The following CFAP61 variants were observed in gnomAD, a reference collection of about 807,000 sequenced individuals.
CFAP61 encodes cilia- and flagella-associated protein 61.
Under a neutral mutation model 135.6 loss-of-function variants are expected in CFAP61, and 107 were observed. The observed-to-expected ratio is 0.79, with a 90% CI of 0.67 to 0.93. The LOEUF (loss-of-function observed/expected upper bound fraction) is 0.93. CFAP61 is among the 40% of genes least tolerant of loss of function. CFAP61 has a pLI of 0.00. For missense variants in CFAP61, 1,507 were observed against 1,556.2 expected (o/e 0.97, Z 0.53); for synonymous variants, 575 against 578.5 (o/e 0.99, Z 0.09).
At chr20:20,055,809 T>G in intron 1 of CFAP61, 1 of 661,858 alleles carries the variant, frequency 1.5e-6, no homozygotes, top group East Asian at 2.9e-5. Flanking sequence ...TCCTTCATTG[T>G]TTTCCCTGTT....
chr20:20,228,499 A>AGGCAGGG, intron 18 of CFAP61, 123 bp downstream of exon 18: 3 of 711,542 alleles, frequency 4.2e-6, no homozygotes, highest in Non-Finnish European at 7.0e-6. Context: ...CACCCTGCCT[A>AGGCAGGG]TGTGGATGGA....
chr20:20,276,079 C>T (rs568570940), intron 21 of CFAP61, among the ~76,000 whole-genome samples: 1 of 152,308 alleles, frequency 6.6e-6, no homozygotes, highest in South Asian at 2.1e-4. Context: ...TGTTAGCTTC[C>T]AAGAAGCCAT....
At chr20:20,263,445 C>T (rs532019934) in intron 21 of CFAP61, among the ~76,000 whole-genome samples, 1 of 151,736 alleles carries the variant, frequency 6.6e-6, no homozygotes, top group South Asian at 2.1e-4. Context: ...AATAAGCAAA[C>T]ATGTTTAGCA....
At chr20:20,207,811 T>G (rs1173884166) in intron 17 of CFAP61, among the ~76,000 whole-genome samples, 1 of 152,226 alleles carries the variant, frequency 6.6e-6, no homozygotes, top group Non-Finnish European at 1.5e-5. Flanking sequence ...TCCTCCTATC[T>G]TTTGATTACC....
At chr20:20,297,651 A>G (rs918555350) in intron 24 of CFAP61, among the ~76,000 whole-genome samples, 5 of 152,248 alleles carry the variant, frequency 3.3e-5, no homozygotes, top group Admixed American at 6.5e-5. Context: ...TGCATCTCCC[A>G]TAGCCTTGAA....
chr20:20,306,638 G>T lies in CFAP61; in HGVS notation c.3422+8252G>T, dbSNP rs1484397713. Among the ~76,000 whole-genome samples the T allele has an allele frequency of 3.9e-5, 6 of 152,244 alleles. No individual in the cohort carries two copies. In the East Asian group the frequency reaches 7.7e-4, roughly 20 times the overall value. Reference sequence around the variant, plus strand: ...ACATCAATCTGAAGTTGGGGTGAGGGTGGGAGCCCATGTCTATTAACAGGT... The same window carrying T: ...ACATCAATCTGAAGTTGGGGTGAGGTTGGGAGCCCATGTCTATTAACAGGT... On this transcript the variant is annotated intron_variant, in intron 25 of 26. Transcript: ENST00000245957.
chr20:20,214,783 C>T (rs1042084820), intron 17 of CFAP61, among the ~76,000 whole-genome samples: 5 of 152,226 alleles, frequency 3.3e-5, no homozygotes, highest in African/African-American at 1.2e-4. Context: ...CAGGGCTCCC[C>T]TCCTGGCCTC....
At chr20:20,123,620 C>T (rs2049839663) in intron 8 of CFAP61, among the ~76,000 whole-genome samples, 3 of 151,606 alleles carry the variant, frequency 2.0e-5, no homozygotes, top group African/African-American at 7.3e-5. Context: ...ATTTTTATAC[C>T]AGTATCATGC....
chr20:20,108,679 T>G (rs2048577391), intron 8 of CFAP61, among the ~76,000 whole-genome samples: 1 of 152,224 alleles, frequency 6.6e-6, no homozygotes, highest in African/African-American at 2.4e-5. Flanking sequence ...CCTCCCTATA[T>G]TTTTTAAAAT....
chr20:20,122,660 G>A (rs151202856), intron 8 of CFAP61, among the ~76,000 whole-genome samples: 60 of 152,148 alleles, frequency 3.9e-4, no homozygotes, highest in Non-Finnish European at 6.5e-4. Context: ...TTTTCCACTC[G>A]TTGATTGATG....
intron 26 of CFAP61, among the ~76,000 whole-genome samples, chr20:20,345,925 C>T (rs1162514191): frequency 1.8e-5 from 2 of 110,344 alleles, no homozygotes; most frequent in East Asian, 3.1e-4. Context: ...GACGGAGTCT[C>T]GCTCTGTCGC....
Position 20,070,775 on chromosome 20 carries a change from C to T in CFAP61, c.144-79C>T, listed in dbSNP as rs1045319132. 48 of 1,380,622 alleles carry T rather than the reference C, an allele frequency of 3.5e-5. No individual in the cohort carries two copies. In the Admixed American group the frequency reaches 4.8e-4, roughly 14 times the overall value. The allele number at this position is 1,380,622 out of a possible 1,614,324, so 85.5% of individuals were successfully genotyped here. Reference sequence around the variant, plus strand: ...TGCAGTGGCTGCTGAGCTCCAGTAGCCAGAGGGAAAAAAATGGCATGTCCT... The same window carrying T: ...TGCAGTGGCTGCTGAGCTCCAGTAGTCAGAGGGAAAAAAATGGCATGTCCT... On this transcript the variant is annotated intron_variant, in intron 2 of 26. Coordinates refer to ENST00000245957, the MANE Select transcript of CFAP61 (RefSeq NM_015585.4).
intron 8 of CFAP61, among the ~76,000 whole-genome samples, chr20:20,142,205 A>T (rs952058416): frequency 6.6e-6 from 1 of 152,358 alleles, no homozygotes; most frequent in Middle Eastern, 3.4e-3. Context: ...ATGAAGCCTA[A>T]GCTACCCTGA....
chr20:20,326,677 T>G (rs547907696), intron 25 of CFAP61, among the ~76,000 whole-genome samples: 2 of 152,332 alleles, frequency 1.3e-5, no homozygotes, highest in East Asian at 1.9e-4. Flanking sequence ...AGAATTCAGT[T>G]TCTGAATTTC....
intron 7 of CFAP61, among the ~76,000 whole-genome samples, chr20:20,095,955 G>A (rs955246205): frequency 1.3e-5 from 2 of 152,162 alleles, no homozygotes; most frequent in East Asian, 3.8e-4. Context: ...AGTACACATA[G>A]TTTTCTAGCA....
chr20:20,141,246 G>A (rs2051378015), intron 8 of CFAP61, among the ~76,000 whole-genome samples: 1 of 152,036 alleles, frequency 6.6e-6, no homozygotes, highest in African/African-American at 2.4e-5. Flanking sequence ...TATAGGCGTT[G>A]GTTGTTCAGG....
chr20:20,318,546 G>A (rs898039394), intron 25 of CFAP61, among the ~76,000 whole-genome samples: 4 of 152,166 alleles, frequency 2.6e-5, no homozygotes, highest in East Asian at 1.9e-4. Context: ...TTGAAACGCC[G>A]TTGGCCCTTT....
At chr20:20,280,355 A>G (rs1483278335) in intron 22 of CFAP61, among the ~76,000 whole-genome samples, 1 of 152,170 alleles carries the variant, frequency 6.6e-6, no homozygotes, top group Non-Finnish European at 1.5e-5. Context: ...TGGAGGGAGC[A>G]TGTTCCTGAC....
intron 24 of CFAP61, among the ~76,000 whole-genome samples, chr20:20,295,456 G>A (rs956826001): frequency 6.6e-6 from 1 of 152,086 alleles, no homozygotes; most frequent in African/African-American, 2.4e-5. Context: ...TACTGCCGTG[G>A]TGCAGGAGCC....
Sources: gnomAD v4.1 joint callset for allele counts (sites outside exome capture counted in the v4.1 genomes callset) on GRCh38, gnomAD v4.1.1 for gene constraint, MANE v1.5 for transcripts, NCBI Gene and HGNC (gene_info 2026-07-23, HGNC 2026-07-21) for gene names.